Variants in AGAP1 observed in about 807,000 individuals in gnomAD.
AGAP1 encodes arf-GAP with GTPase, ANK repeat and PH domain-containing protein 1.
A neutral mutation model predicts 105.3 loss-of-function variants in AGAP1; 29 were observed. The ratio of observed to expected loss-of-function variants is 0.28; its 90% confidence interval spans 0.21 to 0.38. The LOEUF (loss-of-function observed/expected upper bound fraction) is 0.38. Among genes scored for constraint, AGAP1 ranks in the 10% least tolerant of loss-of-function variants. The pLI is 1.00. For synonymous variants in AGAP1, 509 were observed against 485.9 expected, an observed-to-expected ratio of 1.05 and a Z score of -0.63; for missense variants, 998 against 1,165.1, an observed-to-expected ratio of 0.86 and a Z score of 2.09.
rs1367177484 is a variant in AGAP1, at chr2:235,893,607, C to T, written c.1155+10158C>T. 1.3e-5 allele frequency among the ~76,000 whole-genome samples: 2 copies of T among 152,106 alleles called. No individual in the cohort carries two copies. Among genetic ancestry groups the T allele is most frequent in the East Asian group, 3.9e-4 (2 of 5,190 alleles). On this transcript the variant is annotated intron_variant, in intron 10 of 17. Coordinates refer to ENST00000304032, the MANE Select transcript of AGAP1 (RefSeq NM_001037131.3). The surrounding 1 kb of genome is among the most constrained non-coding windows in gnomAD (Gnocchi z 4.7). Reference sequence around the variant, plus strand: ...CGTCATGCAGATGTGCCTTCATGGCCCTCCCTGATTCCCAGGCCCCATCTA... The same window carrying T: ...CGTCATGCAGATGTGCCTTCATGGCTCTCCCTGATTCCCAGGCCCCATCTA...
At chr2:235,576,123 G>A (rs1167403992) in intron 1 of AGAP1, among the ~76,000 whole-genome samples, 1 of 152,166 alleles carries the variant, frequency 6.6e-6, no homozygotes. Flanking sequence ...GTTGCAACAG[G>A]AGGAGCCACC....
Position 236,036,807 on chromosome 2 carries a change from C to T in AGAP1, c.1800+92C>T, listed in dbSNP as rs923163464. The T allele has an allele frequency of 1.2e-5, 18 of 1,538,638 alleles. 1 individual carries two copies. The highest frequency in any genetic ancestry group is 1.4e-5 in the Non-Finnish European group (16 of 1,146,684). On this transcript the variant is annotated intron_variant, in intron 14 of 17. Transcript: ENST00000304032. The surrounding 1 kb of genome is among the most constrained non-coding windows in gnomAD (Gnocchi z 5.7). ...GCCCCAGGGAGGAGAAAATAGAGGA[C>T]CAGTGTGAATGACAGGACCTAGCTA...
In AGAP1 at chr2:235,989,013, G is replaced by A. The variant is rs2055442270; in HGVS notation, c.1645+20390G>A. 1.3e-5 allele frequency among the ~76,000 whole-genome samples: 2 copies of A among 152,126 alleles called. No individual in the cohort carries two copies. Among genetic ancestry groups the A allele is most frequent in the Non-Finnish European group, 2.9e-5 (2 of 68,036 alleles). On this transcript the variant is annotated intron_variant, in intron 13 of 17. Transcript: ENST00000304032. The surrounding 1 kb of genome is among the most constrained non-coding windows in gnomAD (Gnocchi z 4.4). ...GACCACACGTTGTCAGGCTTCCCTT[G>A]GCCAATAATGTGGAGTCTTTTGGTT...
intron 5 of AGAP1, among the ~76,000 whole-genome samples, chr2:235,749,379 T>TA (rs372905216): frequency 8.6e-4 from 121 of 141,296 alleles, no homozygotes; most frequent in South Asian, 1.8e-3. Context: ...CAGCTGAGCT[T>TA]AAAAAAAAAA....
chr2:235,944,888 C>T (rs892279338), intron 12 of AGAP1, among the ~76,000 whole-genome samples: 74 of 152,312 alleles, frequency 4.9e-4, no homozygotes, highest in African/African-American at 1.8e-3. Flanking sequence ...CCTTCTGAAG[C>T]AGTCAAGGTT....
In AGAP1 at chr2:235,983,377, A is replaced by G. The variant is rs1015278172; in HGVS notation, c.1645+14754A>G. ...CAGCACCAACCTCCCATCACTTTCT[A>G]CATTCTGGCCCCTTTTTCTCCTTTC... On this transcript the variant is annotated intron_variant, in intron 13 of 17. Transcript: ENST00000304032. The surrounding 1 kb of genome is among the most constrained non-coding windows in gnomAD (Gnocchi z 4.5). Among the ~76,000 whole-genome samples, 3 of 152,054 alleles carry G rather than the reference A, an allele frequency of 2.0e-5. No homozygotes were observed. Among genetic ancestry groups the G allele is most frequent in the Non-Finnish European group, 4.4e-5 (3 of 68,010 alleles).
rs1036844898 is a variant in AGAP1, at chr2:235,614,387, G to A, written c.164-94792G>A. Among the ~76,000 whole-genome samples, 8 of 152,140 alleles carry A rather than the reference G, an allele frequency of 5.3e-5. No individual in the cohort carries two copies. Among genetic ancestry groups the A allele is most frequent in the Non-Finnish European group, 8.8e-5 (6 of 68,020 alleles). Reference sequence around the variant, plus strand: ...CTTGCTTCAGGTCTCAGATGGCATAGGAGTGTGTGTCATCCCAGAGGAGCA... The same window carrying A: ...CTTGCTTCAGGTCTCAGATGGCATAAGAGTGTGTGTCATCCCAGAGGAGCA... On this transcript the variant is annotated intron_variant, in intron 1 of 17. Coordinates refer to ENST00000304032, the MANE Select transcript of AGAP1 (RefSeq NM_001037131.3). This position sits in a 1 kb window ranked among gnomAD's most constrained non-coding sequence, Gnocchi z 4.7.
At chr2:235,507,247 G>A (rs1376818973) in intron 1 of AGAP1, 1 of 152,532 alleles carries the variant, frequency 6.6e-6, no homozygotes, top group East Asian at 1.9e-4. Flanking sequence ...TGTCCCCTGT[G>A]GTTTTATGAA....
At position 235,898,091 on chromosome 2, in the gene AGAP1, G is replaced by A. The variant is rs145305074; in HGVS notation, c.1156-10647G>A. On this transcript the variant is annotated intron_variant, in intron 10 of 17. Coordinates refer to ENST00000304032, the MANE Select transcript of AGAP1 (RefSeq NM_001037131.3). ...TGTTACAACTCTAGGCTAAAAATCC[G>A]CTGATGATTACATTAGGCTAAGCTG... Among the ~76,000 whole-genome samples, 566 of 152,304 alleles carry A rather than the reference G, an allele frequency of 3.7e-3. 3 individuals are homozygous for A. Among genetic ancestry groups the A allele is most frequent in the African/African-American group, 0.013 (536 of 41,568 alleles).
chr2:235,651,346 C>A (rs951139808), intron 1 of AGAP1, among the ~76,000 whole-genome samples: 2 of 152,084 alleles, frequency 1.3e-5, no homozygotes, highest in Non-Finnish European at 2.9e-5. Flanking sequence ...ATATCTCCAT[C>A]AGCAATGTTC....
intron 9 of AGAP1, among the ~76,000 whole-genome samples, chr2:235,848,431 A>G (rs988745661): frequency 2.0e-5 from 3 of 152,238 alleles, no homozygotes; most frequent in East Asian, 1.9e-4. Flanking sequence ...ACTGGGAGCT[A>G]TTCAGCTGCC....
intron 9 of AGAP1, among the ~76,000 whole-genome samples, chr2:235,880,739 C>CAA (rs200556615): frequency 1.1e-3 from 100 of 91,584 alleles, no homozygotes; most frequent in African/African-American, 3.1e-3. Context: ...GACTCCGTCT[C>CAA]AAAAAAAAAA....
intron 1 of AGAP1, among the ~76,000 whole-genome samples, chr2:235,653,846 C>T (rs1412478921): frequency 6.6e-6 from 1 of 152,244 alleles, no homozygotes; most frequent in Non-Finnish European, 1.5e-5. Context: ...TATTTGAGGT[C>T]GGGAGTTCAA....
chr2:235,759,037 G>A (rs571557810), intron 6 of AGAP1, among the ~76,000 whole-genome samples: 16 of 152,106 alleles, frequency 1.1e-4, no homozygotes, highest in Admixed American at 3.9e-4. Flanking sequence ...AAAGCGATCC[G>A]ACCGCCTCAG....
intron 9 of AGAP1, among the ~76,000 whole-genome samples, chr2:235,849,496 GACAGGT>G (rs1961911031): frequency 6.6e-6 from 1 of 152,176 alleles, no homozygotes; most frequent in Non-Finnish European, 1.5e-5. Flanking sequence ...TGCAGTGGAG[GACAGGT>G]TTGCAAAACA....
chr2:235,852,494 G>A (rs1189716816), intron 9 of AGAP1, among the ~76,000 whole-genome samples: 3 of 152,316 alleles, frequency 2.0e-5, no homozygotes, highest in African/African-American at 7.2e-5. Context: ...GTGTTTGCGA[G>A]TACAAATTGA....
rs147242828 is a variant in AGAP1, at chr2:235,852,726, A to G, written c.1051-30619A>G. 6.0e-4 allele frequency: 922 copies of G among 1,535,790 alleles called. 3 individuals carry two copies. In the African/African-American group the frequency reaches 0.011, roughly 18 times the overall value. On this transcript the variant is annotated intron_variant, in intron 9 of 17. Transcript: ENST00000304032. Reference sequence around the variant, plus strand: ...GTCCTTGCACTGACAGCCAGCACTTATCTCAGGCCTGCTGGAGCCCGTGCC... The same window carrying G: ...GTCCTTGCACTGACAGCCAGCACTTGTCTCAGGCCTGCTGGAGCCCGTGCC...
Position 235,574,836 on chromosome 2 carries a change from G to T in AGAP1, c.163+79987G>T, listed in dbSNP as rs751405802. Among the ~76,000 whole-genome samples the T allele has an allele frequency of 4.6e-5, 7 of 152,312 alleles. No homozygotes were observed. Among genetic ancestry groups the T allele is most frequent in the Non-Finnish European group, 5.9e-5 (4 of 68,020 alleles). On this transcript the variant is annotated intron_variant, in intron 1 of 17. Coordinates refer to ENST00000304032, the MANE Select transcript of AGAP1 (RefSeq NM_001037131.3). The surrounding 1 kb of genome is among the most constrained non-coding windows in gnomAD (Gnocchi z 5.0). The stretch of plus-strand genomic sequence containing the variant: ...ACCTTTGGTTTAGAATCTAAACTTT[G>T]TTGAGGCTGGGCGCAGTGGAGCACG...
Position 235,981,410 on chromosome 2 carries a change from A to G in AGAP1, c.1645+12787A>G, listed in dbSNP as rs1238873523. On this transcript the variant is annotated intron_variant, in intron 13 of 17. Coordinates refer to ENST00000304032, the MANE Select transcript of AGAP1 (RefSeq NM_001037131.3). This position sits in a 1 kb window ranked among gnomAD's most constrained non-coding sequence, Gnocchi z 5.5. ...TAGGCATGGTTACCAGAACACCCCT[A>G]AGAGAGCTGACCAGAATTTCTAAGT... Among the ~76,000 whole-genome samples the G allele has an allele frequency of 6.6e-6, 1 of 151,934 alleles. No homozygotes were observed. Among genetic ancestry groups the G allele is most frequent in the East Asian group, 1.9e-4 (1 of 5,170 alleles).
Sources: gnomAD v4.1 joint callset for allele counts (sites outside exome capture counted in the v4.1 genomes callset) on GRCh38, gnomAD v4.1.1 for gene constraint, Gnocchi (gnomAD v3.1) non-coding constraint, MANE v1.5 for transcripts, NCBI Gene and HGNC (gene_info 2026-07-23, HGNC 2026-07-21) for gene names.